The following NTM variants were observed in gnomAD, a reference collection of about 807,000 sequenced individuals.
NTM encodes the protein IgLON family member 2.
A neutral mutation model predicts 42.1 loss-of-function variants in NTM; 13 were observed. That is an observed-to-expected ratio of 0.31 (90% CI 0.20 to 0.49). The LOEUF (loss-of-function observed/expected upper bound fraction) is 0.49. Ranked by LOEUF, NTM falls within the 20% of genes least tolerant of loss-of-function variation. The probability of loss-of-function intolerance (pLI) is 0.99; values close to 1 mark genes in which losing one functional copy is unlikely to be tolerated. For missense variants in NTM, 373 were observed against 452.8 expected (o/e 0.82, Z 1.60); for synonymous variants, 187 against 179.2 (o/e 1.04, Z -0.35).
At chr11:131,898,825 G>T (rs1223416512) in intron 1 of NTM, among the ~76,000 whole-genome samples, 3 of 152,182 alleles carry the variant, frequency 2.0e-5, no homozygotes, top group Non-Finnish European at 2.9e-5. Flanking sequence ...TTCAGGAAAT[G>T]AAATTGAAAA....
At chr11:132,195,470 CAA>C (rs371423167) in intron 3 of NTM, among the ~76,000 whole-genome samples, 2,756 of 133,888 alleles carry the variant, frequency 0.021, 80 homozygotes, top group African/African-American at 0.069. Flanking sequence ...TATATAGAAC[CAA>C]AAAAAAAAAA....
chr11:131,943,922 G>A (rs1214658438), intron 2 of NTM, among the ~76,000 whole-genome samples: 2 of 150,852 alleles, frequency 1.3e-5, no homozygotes, highest in Non-Finnish European at 3.0e-5. Context: ...TTTCTAAAAG[G>A]AAAAAAAAAA....
intron 1 of NTM, among the ~76,000 whole-genome samples, chr11:131,786,115 C>G (rs1206632951): frequency 6.6e-6 from 1 of 152,144 alleles, no homozygotes; most frequent in African/African-American, 2.4e-5. Flanking sequence ...TTTCTATCTT[C>G]TAAAGTACTT....
intron 1 of NTM, among the ~76,000 whole-genome samples, chr11:131,551,783 C>T (rs74732222): frequency 0.043 from 6,618 of 152,256 alleles, 162 homozygotes; most frequent in Middle Eastern, 0.095. Flanking sequence ...GTTATGGCCA[C>T]AACAGCAAAC....
chr11:131,411,005 C>T (rs1415770550), intron 1 of NTM, among the ~76,000 whole-genome samples: 1 of 152,202 alleles, frequency 6.6e-6, no homozygotes, highest in Non-Finnish European at 1.5e-5. Context: ...ATTTCACCCT[C>T]ATTTGCTGCC....
intron 1 of NTM, among the ~76,000 whole-genome samples, chr11:131,815,904 G>C (rs1182809614): frequency 6.6e-6 from 1 of 152,200 alleles, no homozygotes; most frequent in African/African-American, 2.4e-5. Context: ...CTGAGCCCCA[G>C]CTGGTCTCTG....
At chr11:132,164,003 T>C (rs1189392145) in intron 3 of NTM, among the ~76,000 whole-genome samples, 19 of 152,210 alleles carry the variant, frequency 1.2e-4, no homozygotes. Context: ...AGCTGGCTTA[T>C]CCAAGGTCAT....
At chr11:131,538,113 G>C (rs2052568552) in intron 1 of NTM, 1 of 152,150 alleles carries the variant, frequency 6.6e-6, no homozygotes, top group Non-Finnish European at 1.5e-5. Context: ...TGCTACCACT[G>C]GGGAGAAGGG....
chr11:131,575,905 A>G (rs911071888), intron 1 of NTM, among the ~76,000 whole-genome samples: 2 of 152,192 alleles, frequency 1.3e-5, no homozygotes, highest in Non-Finnish European at 2.9e-5. Flanking sequence ...CAAGTGGCAA[A>G]TATACCTTAA....
chr11:131,442,801 T>TTA (rs890265228), intron 1 of NTM, among the ~76,000 whole-genome samples: 6 of 151,882 alleles, frequency 4.0e-5, no homozygotes, highest in Admixed American at 2.0e-4. Flanking sequence ...CGTGTATATA[T>TTA]TATATATATG....
intron 1 of NTM, among the ~76,000 whole-genome samples, chr11:131,566,136 T>C (rs2056857210): frequency 6.6e-6 from 1 of 152,172 alleles, no homozygotes; most frequent in African/African-American, 2.4e-5. Flanking sequence ...ACACCCGGTC[T>C]CATTTTGTGC....
At chr11:131,774,624 T>C (rs1412207477) in intron 1 of NTM, among the ~76,000 whole-genome samples, 2 of 152,294 alleles carry the variant, frequency 1.3e-5, no homozygotes, top group Non-Finnish European at 2.9e-5. Flanking sequence ...TTTTAGGCAA[T>C]TGTGAGGTCA....
intron 2 of NTM, among the ~76,000 whole-genome samples, chr11:131,991,930 A>G (rs1363885589): frequency 1.3e-5 from 2 of 152,176 alleles, no homozygotes; most frequent in Non-Finnish European, 2.9e-5. Flanking sequence ...ATTTTCATGA[A>G]GTGCTTATAG....
intron 1 of NTM, among the ~76,000 whole-genome samples, chr11:131,714,546 T>C (rs1288774215): frequency 6.6e-6 from 1 of 152,138 alleles, no homozygotes; most frequent in Non-Finnish European, 1.5e-5. Context: ...CTGAAACCAA[T>C]GATCATTTTA....
intron 2 of NTM, among the ~76,000 whole-genome samples, chr11:132,109,568 C>T (rs937914479): frequency 6.6e-6 from 1 of 152,272 alleles, no homozygotes. Flanking sequence ...TGCTTAGAAC[C>T]TTTCATACTT....
intron 2 of NTM, among the ~76,000 whole-genome samples, chr11:131,985,523 A>G (rs1016256227): frequency 5.9e-5 from 9 of 152,300 alleles, no homozygotes; most frequent in African/African-American, 1.9e-4. Context: ...CACGGGTGTC[A>G]GGCTTGGCCT....
At chr11:132,284,074 G>T (rs932617408) in intron 4 of NTM, among the ~76,000 whole-genome samples, 5 of 152,170 alleles carry the variant, frequency 3.3e-5, no homozygotes, top group Admixed American at 1.3e-4. Flanking sequence ...TGGGGCCTCA[G>T]CCCCAGGATC....
At chr11:131,784,721 TTC>T (rs2088821154) in intron 1 of NTM, among the ~76,000 whole-genome samples, 1 of 152,174 alleles carries the variant, frequency 6.6e-6, no homozygotes, top group African/African-American at 2.4e-5. Context: ...ATTGTACACT[TTC>T]AAACTGCACA....
At chr11:131,804,451 C>A (rs1157938838) in intron 1 of NTM, among the ~76,000 whole-genome samples, 1 of 152,076 alleles carries the variant, frequency 6.6e-6, no homozygotes, top group Non-Finnish European at 1.5e-5. Flanking sequence ...AGCTTTCATG[C>A]CATAAAGGGC....
Sources: allele counts gnomAD v4.1 joint callset (sites outside exome capture counted in the v4.1 genomes callset), GRCh38; gene constraint gnomAD v4.1.1; transcripts MANE v1.5; gene names NCBI Gene and HGNC (gene_info 2026-07-23, HGNC 2026-07-21).